PLEKHA6: variants seen among roughly 807,000 people sequenced by gnomAD.
PLEKHA6 encodes the protein pleckstrin homology domain-containing family A member 6.
A neutral mutation model predicts 116.7 loss-of-function variants in PLEKHA6; 60 were observed. The observed-to-expected ratio is 0.51, with a 90% CI of 0.42 to 0.64. PLEKHA6 has a LOEUF of 0.64. PLEKHA6 is among the 30% of genes least tolerant of loss of function. The probability of loss-of-function intolerance (pLI) is 0.00; values close to 1 mark genes in which losing one functional copy is unlikely to be tolerated. For missense variants in PLEKHA6, 1,338 were observed against 1,422.7 expected (o/e 0.94, Z 0.96); for synonymous variants, 489 against 556.1 (o/e 0.88, Z 1.70).
At chr1:204,346,659 A>G (rs1394201315) in intron 1 of PLEKHA6, 2 of 670,132 alleles carry the variant, frequency 3.0e-6, no homozygotes. Flanking sequence ...GCCATGGGTA[A>G]GTGACCCATC....
At chr1:204,315,102 C>T (rs1671806045) in intron 1 of PLEKHA6, among the ~76,000 whole-genome samples, 1 of 152,162 alleles carries the variant, frequency 6.6e-6, no homozygotes, top group South Asian at 2.1e-4. Context: ...ACTTTGATTA[C>T]AGCAGGAATG....
At chr1:204,350,505 G>T (rs1673239875) in intron 1 of PLEKHA6, among the ~76,000 whole-genome samples, 2 of 152,114 alleles carry the variant, frequency 1.3e-5, no homozygotes. Context: ...CTCAGAGCAG[G>T]GTTGGCCTCT....
chr1:204,233,654 G>A (rs908384858), intron 17 of PLEKHA6, among the ~76,000 whole-genome samples: 3 of 152,064 alleles, frequency 2.0e-5, no homozygotes, highest in Non-Finnish European at 4.4e-5. Context: ...TCACTATGTT[G>A]TCCAGACTGG....
chr1:204,362,300 C>T (rs971476148), upstream of PLEKHA6, among the ~76,000 whole-genome samples: 1 of 152,134 alleles, frequency 6.6e-6, no homozygotes, highest in Non-Finnish European at 1.5e-5. Context: ...ATGGGGAAGG[C>T]GTGAGGTGGC....
intron 1 of PLEKHA6, among the ~76,000 whole-genome samples, chr1:204,345,262 G>A (rs1038198780): frequency 6.6e-6 from 1 of 152,090 alleles, no homozygotes; most frequent in Non-Finnish European, 1.5e-5. Flanking sequence ...ATACAAAAAA[G>A]TCCTTCCTGA....
In PLEKHA6 at chr1:204,257,628, G is replaced by A. The variant is rs771067288; in HGVS notation, c.1249C>T (p.Arg417Trp). 60 of 1,609,012 alleles carry A rather than the reference G, an allele frequency of 3.7e-5. 1 individual carries two copies. The highest frequency in any genetic ancestry group is 1.0e-4 in the South Asian group (9 of 90,296). Reference protein sequence around the residue: ...REWKEPASYGRQDATVWIPSP... With the variant: ...REWKEPASYGWQDATVWIPSP... ...GGGATCCAGACGGTGGCATCCTGCCGCCCGTAGCTGGCGGGCTCCTTCCAC... is the reference window on the plus strand; with the variant it reads ...GGGATCCAGACGGTGGCATCCTGCCACCCGTAGCTGGCGGGCTCCTTCCAC... Residue 417 changes from arginine (R) to tryptophan (W), a missense_variant, in exon 9 of 23, where the codon CGG becomes TGG. Coordinates refer to ENST00000272203, the MANE Select transcript of PLEKHA6 (RefSeq NM_014935.5). The surrounding 1 kb of genome is among the most constrained non-coding windows in gnomAD (Gnocchi z 6.5).
At chr1:204,288,390 A>G (rs1421719525) in intron 1 of PLEKHA6, among the ~76,000 whole-genome samples, 2 of 152,208 alleles carry the variant, frequency 1.3e-5, no homozygotes, top group East Asian at 3.8e-4. Context: ...GTGGAGAAGG[A>G]GAGCCCTCTA....
chr1:204,327,078 T>C lies in PLEKHA6; in HGVS notation c.-95+32616A>G. 4 of 866,012 alleles carry C rather than the reference T, an allele frequency of 4.6e-6. No homozygotes were observed. The South Asian group carries it at 2.1e-4, about 46-fold the overall frequency. The allele number at this position is 866,012 out of a possible 1,614,324, so 53.6% of individuals were successfully genotyped here. On this transcript the variant is annotated intron_variant, in intron 1 of 22. Coordinates refer to ENST00000272203, the MANE Select transcript of PLEKHA6 (RefSeq NM_014935.5). Reference sequence around the variant, plus strand: ...CCATCCCCTCCTCCTCCTCCTGGGATAGAAACCCTGCCACTCTCTGCTCAC... The same window carrying C: ...CCATCCCCTCCTCCTCCTCCTGGGACAGAAACCCTGCCACTCTCTGCTCAC...
In PLEKHA6 at chr1:204,312,886, C is replaced by CT. The variant is rs1553276457; in HGVS notation, c.-94-38078dup. 7.1e-4 allele frequency among the ~76,000 whole-genome samples: 101 copies of CT among 143,152 alleles called. 1 individual carries two copies. The East Asian group carries it at 0.019, about 27-fold the overall frequency. 93.9% of individuals were successfully genotyped at this position (143,152 alleles called of 152,430 possible). ...CTTTTCTTTTCTTTTCTTTTCTTTTCTTTTTTTTCTTTTCCTTTCCCTCCC... is the reference window on the plus strand; with the variant it reads ...CTTTTCTTTTCTTTTCTTTTCTTTTCTTTTTTTTTCTTTTCCTTTCCCTCCC... On this transcript the variant is annotated intron_variant, in intron 1 of 22. Transcript: ENST00000272203.
At chr1:204,250,666 A>G (rs958790976) in intron 9 of PLEKHA6, 52 bp from the exon 10 acceptor site, 10 of 1,218,392 alleles carry the variant, frequency 8.2e-6, no homozygotes, top group Non-Finnish European at 1.2e-5. Flanking sequence ...GAGGGTATGC[A>G]GGGATAGGAA....
intron 1 of PLEKHA6, among the ~76,000 whole-genome samples, chr1:204,303,397 G>T (rs1272561513): frequency 6.6e-6 from 1 of 152,114 alleles, no homozygotes; most frequent in Non-Finnish European, 1.5e-5. Flanking sequence ...AAATCAGAAA[G>T]TTTTCTTATA....
intron 1 of PLEKHA6, among the ~76,000 whole-genome samples, chr1:204,337,340 T>C (rs1672683988): frequency 6.6e-6 from 1 of 152,084 alleles, no homozygotes; most frequent in Non-Finnish European, 1.5e-5. Context: ...AAGACATAAA[T>C]TGTAGCTCTC....
At chr1:204,239,877 C>T (rs958078668) in intron 17 of PLEKHA6, among the ~76,000 whole-genome samples, 2 of 152,156 alleles carry the variant, frequency 1.3e-5, no homozygotes, top group African/African-American at 4.8e-5. Flanking sequence ...CACCACTCAC[C>T]ATCACCCCTA....
Position 204,223,366 on chromosome 1 carries a change from A to G in PLEKHA6, c.*8+96T>C. 2.8e-6 allele frequency: 2 copies of G among 720,260 alleles called. No homozygotes were observed. Among genetic ancestry groups the G allele is most frequent in the Middle Eastern group, 4.9e-4 (2 of 4,058 alleles). The allele number at this position is 720,260 out of a possible 1,614,324, so 44.6% of individuals were successfully genotyped here. A position where few individuals can be genotyped will look rare whatever the true frequency, so the allele number is the denominator to read the frequency against. On this transcript the variant is annotated intron_variant, in intron 22 of 22. Transcript: ENST00000272203. This position sits in a 1 kb window ranked among gnomAD's most constrained non-coding sequence, Gnocchi z 4.8. ...GCACAGGGCACTGGGGTAGGGGAGA[A>G]GCAATACCAAAATGAGAGGGCATAG...
At chr1:204,357,000 C>T (rs367874429) in intron 1 of PLEKHA6, among the ~76,000 whole-genome samples, 2 of 152,110 alleles carry the variant, frequency 1.3e-5, no homozygotes, top group South Asian at 4.1e-4. Context: ...CCTAAATGTC[C>T]AATATAGAAA....
intron 1 of PLEKHA6, among the ~76,000 whole-genome samples, chr1:204,296,159 G>T (rs1362707553): frequency 6.6e-6 from 1 of 152,032 alleles, no homozygotes; most frequent in African/African-American, 2.4e-5. Flanking sequence ...AAGACTATAG[G>T]TACAAATTTG....
chr1:204,307,813 G>A, intron 1 of PLEKHA6: 2 of 946,406 alleles, frequency 2.1e-6, no homozygotes, highest in Non-Finnish European at 2.5e-6. Context: ...AGCCCTGCCA[G>A]GTGCTCTCCA....
At chr1:204,281,554 C>G (rs983728884) in intron 1 of PLEKHA6, among the ~76,000 whole-genome samples, 4 of 151,670 alleles carry the variant, frequency 2.6e-5, no homozygotes, top group African/African-American at 9.7e-5. Context: ...AGTAAGACCC[C>G]TGTCTCTAAA....
chr1:204,337,720 G>C (rs1174877920), intron 1 of PLEKHA6, among the ~76,000 whole-genome samples: 2 of 152,290 alleles, frequency 1.3e-5, no homozygotes, highest in African/African-American at 2.4e-5. Context: ...CTCACTTGGG[G>C]GGGGAATCCA....
Sources: gnomAD v4.1 joint callset for allele counts (sites outside exome capture counted in the v4.1 genomes callset) on GRCh38, gnomAD v4.1.1 for gene constraint, Gnocchi (gnomAD v3.1) non-coding constraint, MANE v1.5 for transcripts, NCBI Gene and HGNC (gene_info 2026-07-23, HGNC 2026-07-21) for gene names.